The following ZCCHC4 variants were observed in gnomAD, a reference collection of about 807,000 sequenced individuals.
ZCCHC4 encodes zinc finger CCHC-type containing 4.
A neutral mutation model predicts 67.7 loss-of-function variants in ZCCHC4; 54 were observed. The observed-to-expected ratio is 0.80, with a 90% CI of 0.64 to 1.00. The LOEUF (loss-of-function observed/expected upper bound fraction) is 1.00, where lower values mean the gene tolerates loss of function less well. Ranked by LOEUF, ZCCHC4 falls within the 50% of genes least tolerant of loss-of-function variation. The probability of loss-of-function intolerance (pLI) is 0.00; values close to 1 mark genes in which losing one functional copy is unlikely to be tolerated. For synonymous variants in ZCCHC4, 198 were observed against 213.5 expected (o/e 0.93, Z 0.63); for missense variants, 609 against 617.0 (o/e 0.99, Z 0.14).
intron 3 of ZCCHC4, among the ~76,000 whole-genome samples, chr4:25,327,469 A>G (rs1006701823): frequency 9.3e-6 from 1 of 107,032 alleles, no homozygotes; most frequent in Non-Finnish European, 1.8e-5. Context: ...TTCGTCCCCC[A>G]CCACCCTTCC....
intron 5 of ZCCHC4, among the ~76,000 whole-genome samples, chr4:25,344,884 C>T (rs898586490): frequency 6.6e-6 from 1 of 151,094 alleles, no homozygotes; most frequent in Non-Finnish European, 1.5e-5. Context: ...CTCACTGCAT[C>T]CTCCGCCTCC....
chr4:25,365,123 C>G lies in ZCCHC4; in HGVS notation c.1363C>G (p.Arg455Gly). 1 of 1,614,176 alleles carries G rather than the reference C, an allele frequency of 6.2e-7. No homozygotes were observed. Among genetic ancestry groups the G allele is most frequent in the Non-Finnish European group, 8.5e-7 (1 of 1,180,008 alleles). The change falls in exon 12 of 13, where the codon CGC becomes GGC. Residue 455 changes from arginine (R) to glycine (G), a missense_variant. Transcript: ENST00000302874. ...CFICGELDHK[R>G]STCPNIATSK... The stretch of plus-strand genomic sequence containing the variant: ...TATTTGTGGTGAACTGGATCATAAA[C>G]GCAGTACTTGTCCTAACATTGCTAC...
intron 5 of ZCCHC4, among the ~76,000 whole-genome samples, chr4:25,341,988 T>C (rs1719777516): frequency 6.6e-6 from 1 of 152,246 alleles, no homozygotes; most frequent in Non-Finnish European, 1.5e-5. Context: ...GTATAATGTA[T>C]GGAATATATT....
At chr4:25,335,470 G>A (rs1462381269) in intron 5 of ZCCHC4, among the ~76,000 whole-genome samples, 6 of 151,978 alleles carry the variant, frequency 3.9e-5, no homozygotes, top group African/African-American at 1.2e-4. Context: ...AATCATAAAA[G>A]TGTAGCCTGG....
intron 5 of ZCCHC4, among the ~76,000 whole-genome samples, chr4:25,334,326 A>G (rs958476108): frequency 5.3e-5 from 8 of 152,218 alleles, no homozygotes; most frequent in African/African-American, 1.9e-4. Flanking sequence ...CTCATACTTA[A>G]TCAGACTTCC....
intron 5 of ZCCHC4, among the ~76,000 whole-genome samples, chr4:25,334,459 T>C (rs2109065982): frequency 6.6e-6 from 1 of 152,272 alleles, no homozygotes; most frequent in South Asian, 2.1e-4. Flanking sequence ...GAGTGCTAAG[T>C]AGGGGATAGA....
At chr4:25,317,231 G>C (rs931312859) in intron 3 of ZCCHC4, among the ~76,000 whole-genome samples, 1 of 152,124 alleles carries the variant, frequency 6.6e-6, no homozygotes, top group African/African-American at 2.4e-5. Context: ...AAGCACAGAG[G>C]AGTACTGGGG....
chr4:25,346,665 T>G (rs781023729), intron 6 of ZCCHC4, among the ~76,000 whole-genome samples: 14 of 152,154 alleles, frequency 9.2e-5, no homozygotes, highest in African/African-American at 1.2e-4. Context: ...CAATTTAGCA[T>G]TGGGATATAT....
intron 3 of ZCCHC4, among the ~76,000 whole-genome samples, chr4:25,327,990 A>T (rs1017749100): frequency 1.3e-5 from 2 of 152,136 alleles, no homozygotes; most frequent in African/African-American, 4.8e-5. Flanking sequence ...GATTTGCTTA[A>T]ATTTTGTTAA....
At chr4:25,314,017 T>TC (rs1488230870) in intron 1 of ZCCHC4, 29 bp from the exon 2 acceptor site, 2 of 1,248,048 alleles carry the variant, frequency 1.6e-6, no homozygotes, top group African/African-American at 3.3e-5. Flanking sequence ...ACTTGACACT[T>TC]TTTTTTTTTT....
chr4:25,362,396 AG>A (rs1369639007), intron 10 of ZCCHC4, 95 bp downstream of exon 10: 1 of 775,366 alleles, frequency 1.3e-6, no homozygotes, highest in Non-Finnish European at 1.9e-6. Context: ...TTTTGTTAAT[AG>A]GATTTGTATT....
At position 25,369,264 on chromosome 4, in the gene ZCCHC4, T is replaced by C. The variant is rs1014869479; in HGVS notation, c.*100T>C. The C allele has an allele frequency of 1.3e-6, 2 of 1,528,034 alleles. No homozygotes were observed. The highest frequency in any genetic ancestry group is 2.8e-5 in the African/African-American group (2 of 71,076). The allele number at this position is 1,528,034 out of a possible 1,614,324, so 94.7% of individuals were successfully genotyped here. On this transcript the variant is annotated 3_prime_UTR_variant, in exon 13 of 13. Transcript: ENST00000302874. ...ACTTAAATTCAGCTGCTTCCAGAGG[T>C]GTGCACCTTTCTGAGCTAGATAACA...
chr4:25,333,290 T>C lies in ZCCHC4; in HGVS notation c.437T>C (p.Leu146Pro). 1 of 1,614,180 alleles carries C rather than the reference T, an allele frequency of 6.2e-7. No individual in the cohort carries two copies. Among genetic ancestry groups the C allele is most frequent in the South Asian group, 1.1e-5 (1 of 91,084 alleles). Residue 146 changes from leucine (L) to proline (P), a missense_variant, in exon 4 of 13, where the codon CTG becomes CCG. Physicochemically the swap from Leu to Pro is moderately conservative, Grantham distance 98. Transcript: ENST00000302874. ...DWGQHSEHQV[L>P]GNVSITQLRR... The stretch of plus-strand genomic sequence containing the variant: ...GGGCAACATAGTGAGCATCAGGTTC[T>C]GGGTAATGTGTCCATTACCCAGTTA...
intron 8 of ZCCHC4, among the ~76,000 whole-genome samples, chr4:25,361,438 A>G (rs1470521947): frequency 6.6e-6 from 1 of 152,250 alleles, no homozygotes; most frequent in Non-Finnish European, 1.5e-5. Flanking sequence ...TTTGGAGCGC[A>G]GTCGTACAAC....
intron 3 of ZCCHC4, among the ~76,000 whole-genome samples, chr4:25,322,496 AC>A (rs1650054877): frequency 1.3e-5 from 2 of 151,976 alleles, no homozygotes; most frequent in Admixed American, 1.3e-4. Context: ...CTGTTTAAAA[AC>A]CACTGAATTG....
At chr4:25,329,607 T>C (rs933071906) in intron 3 of ZCCHC4, among the ~76,000 whole-genome samples, 1 of 149,946 alleles carries the variant, frequency 6.7e-6, no homozygotes, top group Admixed American at 6.7e-5. Flanking sequence ...TGATCTCGGC[T>C]CACTGCAACC....
At chr4:25,326,263 A>G (rs1358725927) in intron 3 of ZCCHC4, among the ~76,000 whole-genome samples, 1 of 152,190 alleles carries the variant, frequency 6.6e-6, no homozygotes, top group Non-Finnish European at 1.5e-5. Context: ...TGCTTCTGTC[A>G]CCACATAATC....
chr4:25,344,628 TAAATAAAATA>T lies in ZCCHC4; in HGVS notation c.687-911_687-902del, dbSNP rs895059004. 2.0e-3 allele frequency among the ~76,000 whole-genome samples: 298 copies of T among 151,356 alleles called. 1 individual carries two copies. The highest frequency in any genetic ancestry group is 6.9e-3 in the African/African-American group (287 of 41,322). ...AAAGTATAATAATAATAAAATAAAA[TAAATAAAATA>T]AAATAAAACACTGTGTTAGCAAAAC... On this transcript the variant is annotated intron_variant, in intron 5 of 12. Coordinates refer to ENST00000302874, the MANE Select transcript of ZCCHC4 (RefSeq NM_024936.3).
At chr4:25,351,748 A>C (rs1720309341) in intron 8 of ZCCHC4, 59 bp downstream of exon 8, 1 of 1,338,652 alleles carries the variant, frequency 7.5e-7, no homozygotes, top group African/African-American at 1.5e-5. Flanking sequence ...ACTTGAATAG[A>C]TATAAGACTA....
Sources: allele counts gnomAD v4.1 joint callset (sites outside exome capture counted in the v4.1 genomes callset), GRCh38; gene constraint gnomAD v4.1.1; transcripts MANE v1.5; gene names NCBI Gene and HGNC (gene_info 2026-07-23, HGNC 2026-07-21).